Variants in MCC observed in about 807,000 individuals in gnomAD.
The protein encoded by MCC is MCC regulator of Wnt signaling pathway, also known as colorectal mutant cancer protein.
A neutral mutation model predicts 116.2 loss-of-function variants in MCC; 90 were observed. The ratio of observed to expected loss-of-function variants is 0.77; its 90% confidence interval spans 0.65 to 0.92. The LOEUF (loss-of-function observed/expected upper bound fraction) is 0.92. Among genes scored for constraint, MCC ranks in the 40% least tolerant of loss-of-function variants. MCC has a pLI of 0.00. For missense variants in MCC, 1,516 were observed against 1,312.2 expected, an observed-to-expected ratio of 1.16 and a Z score of -2.40; for synonymous variants, 578 against 510.5, an observed-to-expected ratio of 1.13 and a Z score of -1.78.
chr5:113,323,778 C>T (rs771826817), intron 3 of MCC, among the ~76,000 whole-genome samples: 3 of 152,212 alleles, frequency 2.0e-5, no homozygotes, highest in Non-Finnish European at 4.4e-5. Flanking sequence ...CTCAGCTACT[C>T]AGGAGGCTGA....
At chr5:113,422,840 A>G (rs749633877) in intron 1 of MCC, among the ~76,000 whole-genome samples, 23 of 152,228 alleles carry the variant, frequency 1.5e-4, no homozygotes, top group Admixed American at 3.3e-4. Flanking sequence ...GGTAGATTTA[A>G]TATACTTAGT....
chr5:113,081,774 G>C (rs1754872390), intron 11 of MCC, among the ~76,000 whole-genome samples: 1 of 9,576 alleles, frequency 1.0e-4, no homozygotes, highest in Admixed American at 3.1e-3. Context: ...AAATGACCTA[G>C]ATTGCCAATT....
At chr5:113,285,128 T>C (rs1234125114) in intron 3 of MCC, among the ~76,000 whole-genome samples, 2 of 152,164 alleles carry the variant, frequency 1.3e-5, no homozygotes, top group Non-Finnish European at 2.9e-5. Context: ...ATTTTTATGG[T>C]ACATAATAAT....
intron 1 of MCC, among the ~76,000 whole-genome samples, chr5:113,396,687 A>G (rs60372848): frequency 0.012 from 1,881 of 152,316 alleles, 40 homozygotes; most frequent in African/African-American, 0.044. Context: ...AAAATCCTCT[A>G]TAGAAGTAGG....
chr5:113,135,669 T>C (rs1758774671), intron 5 of MCC, among the ~76,000 whole-genome samples: 2 of 152,098 alleles, frequency 1.3e-5, no homozygotes, highest in Non-Finnish European at 2.9e-5. Flanking sequence ...TTGGCATATA[T>C]AAATGCTATT....
chr5:113,043,980 C>T (rs747885504), intron 16 of MCC, among the ~76,000 whole-genome samples: 55 of 133,772 alleles, frequency 4.1e-4, no homozygotes, highest in South Asian at 1.9e-3. Context: ...TCCATTTTAC[C>T]AAGGAGGGAA....
chr5:113,048,366 C>T (rs762471868), intron 16 of MCC, among the ~76,000 whole-genome samples: 1 of 152,174 alleles, frequency 6.6e-6, no homozygotes, highest in African/African-American at 2.4e-5. Context: ...CACTGACCTG[C>T]GCCATCCCAC....
chr5:113,157,628 G>T (rs1760245865), intron 3 of MCC, among the ~76,000 whole-genome samples: 1 of 152,126 alleles, frequency 6.6e-6, no homozygotes. Flanking sequence ...CCTTAACTTG[G>T]TCTGGCTACT....
intron 14 of MCC, among the ~76,000 whole-genome samples, chr5:113,055,131 G>GA (rs1561760177): frequency 6.6e-6 from 1 of 152,198 alleles, no homozygotes; most frequent in African/African-American, 2.4e-5. Context: ...TACAGATTTG[G>GA]AAAGTGAAGC....
At chr5:113,372,629 A>C (rs920463951) in intron 2 of MCC, among the ~76,000 whole-genome samples, 1 of 152,230 alleles carries the variant, frequency 6.6e-6, no homozygotes, top group Non-Finnish European at 1.5e-5. Flanking sequence ...TAAGTACAGA[A>C]TTTCAAGTTT....
At chr5:113,231,147 T>C (rs531003498) in intron 3 of MCC, among the ~76,000 whole-genome samples, 1 of 152,308 alleles carries the variant, frequency 6.6e-6, no homozygotes, top group East Asian at 1.9e-4. Flanking sequence ...TGGTGAGAAA[T>C]GCAGAGTAAG....
At chr5:113,058,109 C>T (rs1005382593) in intron 14 of MCC, among the ~76,000 whole-genome samples, 1 of 152,194 alleles carries the variant, frequency 6.6e-6, no homozygotes, top group South Asian at 2.1e-4. Context: ...AACAGCTGTG[C>T]GTCTACCACC....
At position 113,229,089 on chromosome 5, in the gene MCC, T is replaced by G. The variant is rs148198313; in HGVS notation, c.628-77667A>C. Among the ~76,000 whole-genome samples the G allele has an allele frequency of 1.4e-3, 210 of 152,308 alleles. 1 individual carries two copies. Among genetic ancestry groups the G allele is most frequent in the Middle Eastern group, 3.4e-3 (1 of 294 alleles). ...CTGGCAGTATGGACTTAGAGGTCAG[T>G]GTTTGGATGGTTTTTTACAGCCCTG... On this transcript the variant is annotated intron_variant, in intron 3 of 18. Coordinates refer to ENST00000408903, the MANE Select transcript of MCC (RefSeq NM_001085377.2).
chr5:113,223,093 G>A (rs1023979501), intron 3 of MCC, among the ~76,000 whole-genome samples: 4 of 152,120 alleles, frequency 2.6e-5, no homozygotes, highest in African/African-American at 7.2e-5. Flanking sequence ...GGTGACACAC[G>A]TATAAAAATG....
chr5:113,159,390 G>T (rs370244884), intron 3 of MCC, among the ~76,000 whole-genome samples: 63 of 152,288 alleles, frequency 4.1e-4, no homozygotes, highest in African/African-American at 1.4e-3. Context: ...AATGGAATGA[G>T]TTTTCAGAAT....
At chr5:113,235,758 G>A (rs556370372) in intron 3 of MCC, among the ~76,000 whole-genome samples, 74 of 152,204 alleles carry the variant, frequency 4.9e-4, no homozygotes, top group Non-Finnish European at 9.1e-4. Flanking sequence ...TCGGTTAAGA[G>A]ATTTTCCCAC....
chr5:113,035,222 C>T (rs1443129417), intron 17 of MCC, among the ~76,000 whole-genome samples: 1 of 152,210 alleles, frequency 6.6e-6, no homozygotes, highest in Admixed American at 6.5e-5. Flanking sequence ...CTTGCAAAGG[C>T]AGTTTAAGTT....
intron 2 of MCC, among the ~76,000 whole-genome samples, chr5:113,368,569 A>T (rs7717630): frequency 6.7e-6 from 1 of 149,988 alleles, no homozygotes; most frequent in Non-Finnish European, 1.5e-5. Flanking sequence ...TTTATTTCTT[A>T]TTTTTTCCCA....
intron 4 of MCC, among the ~76,000 whole-genome samples, chr5:113,147,256 C>T (rs1759577749): frequency 6.6e-6 from 1 of 152,106 alleles, no homozygotes; most frequent in Non-Finnish European, 1.5e-5. Context: ...AGAATAAAAT[C>T]CTTTAGGCTC....
Sources: allele counts gnomAD v4.1 joint callset (sites outside exome capture counted in the v4.1 genomes callset), GRCh38; gene constraint gnomAD v4.1.1; transcripts MANE v1.5; gene names NCBI Gene and HGNC (gene_info 2026-07-23, HGNC 2026-07-21).